The following RAI14 variants were observed in gnomAD, a reference collection of about 807,000 sequenced individuals.
The protein encoded by RAI14 is ankycorbin.
RAI14 carries 45 observed loss-of-function variants against 115.4 expected under a neutral mutation model. That is an observed-to-expected ratio of 0.39 (90% CI 0.31 to 0.50). The LOEUF is 0.50. RAI14 is among the 20% of genes least tolerant of loss of function. RAI14 has a pLI of 0.85. For synonymous variants in RAI14, 371 were observed against 415.4 expected (o/e 0.89, Z 1.30); for missense variants, 939 against 1,131.2 (o/e 0.83, Z 2.44).
chr5:34,822,246 G>GCATGTA (rs1242792262), intron 14 of RAI14, among the ~76,000 whole-genome samples: 1 of 75,728 alleles, frequency 1.3e-5, no homozygotes, highest in Non-Finnish European at 2.7e-5. Flanking sequence ...ATGTATGTGT[G>GCATGTA]TATGTATATA....
chr5:34,817,679 C>T (rs12153278), intron 12 of RAI14, among the ~76,000 whole-genome samples: 45,226 of 151,988 alleles, frequency 0.3, 7,606 homozygotes, highest in Admixed American at 0.43. Context: ...AACTGTAGTG[C>T]AAGTAACAAC....
intron 2 of RAI14, among the ~76,000 whole-genome samples, chr5:34,708,935 G>A (rs1173187300): frequency 1.3e-5 from 2 of 152,022 alleles, no homozygotes; most frequent in Non-Finnish European, 2.9e-5. Context: ...TTGAGGCCAG[G>A]AGTTTGAAAC....
intron 3 of RAI14, among the ~76,000 whole-genome samples, chr5:34,775,536 C>T (rs1750728024): frequency 6.6e-6 from 1 of 152,158 alleles, no homozygotes; most frequent in African/African-American, 2.4e-5. Context: ...AGTTCAAGAC[C>T]AGCCTGGGCA....
chr5:34,690,831 G>T (rs1203192838), intron 2 of RAI14, among the ~76,000 whole-genome samples: 12 of 152,106 alleles, frequency 7.9e-5, no homozygotes, highest in African/African-American at 2.9e-4. Context: ...TCTTAAACTT[G>T]AGTTGTTAGA....
chr5:34,700,214 C>T (rs1031932996), intron 2 of RAI14, among the ~76,000 whole-genome samples: 1 of 152,164 alleles, frequency 6.6e-6, no homozygotes, highest in African/African-American at 2.4e-5. Context: ...CAGTTTTCCC[C>T]TGGGTGGTGG....
chr5:34,830,684 C>T lies in RAI14; in HGVS notation c.2866-4C>T. The T allele has an allele frequency of 1.2e-6, 2 of 1,614,046 alleles. No individual in the cohort carries two copies. Among genetic ancestry groups the T allele is most frequent in the South Asian group, 1.1e-5 (1 of 91,058 alleles). ...AATGAGTATCTTGTGTTTGAATATC[C>T]TAGGGCCAGATGGATGAAGATGTCC... On this transcript the variant is annotated splice_polypyrimidine_tract_variant and splice_region_variant and intron_variant, in intron 17 of 17. Coordinates refer to ENST00000265109, the MANE Select transcript of RAI14 (RefSeq NM_015577.3).
chr5:34,690,666 T>C (rs1425449877), intron 2 of RAI14, among the ~76,000 whole-genome samples: 1 of 152,238 alleles, frequency 6.6e-6, no homozygotes, highest in Non-Finnish European at 1.5e-5. Flanking sequence ...AGCCTGACTC[T>C]GCGGGCTGTG....
chr5:34,802,759 G>A (rs960571465), intron 4 of RAI14, among the ~76,000 whole-genome samples: 4 of 152,288 alleles, frequency 2.6e-5, no homozygotes, highest in South Asian at 4.1e-4. Context: ...TGCTATGAAG[G>A]ATAAAGAAAT....
At chr5:34,829,469 C>A (rs1757804822) in intron 16 of RAI14, among the ~76,000 whole-genome samples, 1 of 152,086 alleles carries the variant, frequency 6.6e-6, no homozygotes, top group African/African-American at 2.4e-5. Context: ...ATTTTTAAAA[C>A]CAAATGTGGG....
chr5:34,714,904 G>A (rs1290134097), intron 2 of RAI14, among the ~76,000 whole-genome samples: 1 of 152,156 alleles, frequency 6.6e-6, no homozygotes, highest in Non-Finnish European at 1.5e-5. Context: ...CTCACTTGCA[G>A]TTCCTCGGTC....
chr5:34,782,224 G>T (rs1245616954), intron 3 of RAI14, among the ~76,000 whole-genome samples: 1 of 152,158 alleles, frequency 6.6e-6, no homozygotes, highest in Non-Finnish European at 1.5e-5. Context: ...GCTAGTTTTG[G>T]GGCCAGTTTA....
chr5:34,707,909 G>GA (rs986209309), intron 2 of RAI14, among the ~76,000 whole-genome samples: 3 of 152,138 alleles, frequency 2.0e-5, no homozygotes, highest in Admixed American at 6.6e-5. Flanking sequence ...TCTCCAAGGG[G>GA]AAAATCAAAG....
intron 3 of RAI14, among the ~76,000 whole-genome samples, chr5:34,776,805 T>TAAAAAAAACAACAA (rs754870641): frequency 1.1e-5 from 1 of 94,224 alleles, no homozygotes; most frequent in Non-Finnish European, 3.1e-5. Flanking sequence ...AGACCCTTTA[T>TAAAAAAAACAACAA]TAAAAAAACC....
At chr5:34,747,482 C>A (rs965261990) in intron 2 of RAI14, among the ~76,000 whole-genome samples, 3 of 152,202 alleles carry the variant, frequency 2.0e-5, no homozygotes, top group Admixed American at 1.3e-4. Context: ...ATATTCCTGT[C>A]AATCTTTCTA....
intron 2 of RAI14, among the ~76,000 whole-genome samples, chr5:34,708,297 C>T (rs1249374661): frequency 1.3e-5 from 2 of 151,712 alleles, no homozygotes; most frequent in East Asian, 3.9e-4. Context: ...CTGCCTCCCG[C>T]GTTCAAGCGA....
At chr5:34,659,802 TA>T (rs1742555292) in intron 1 of RAI14, among the ~76,000 whole-genome samples, 1 of 152,208 alleles carries the variant, frequency 6.6e-6, no homozygotes, top group Non-Finnish European at 1.5e-5. Flanking sequence ...ATCTGTTGAC[TA>T]AAAAAGTGAA....
chr5:34,763,334 C>T (rs1353278527), intron 3 of RAI14, among the ~76,000 whole-genome samples: 3 of 152,184 alleles, frequency 2.0e-5, no homozygotes, highest in African/African-American at 7.2e-5. Context: ...TTGCAGCCTC[C>T]TACCTTCCCT....
intron 2 of RAI14, among the ~76,000 whole-genome samples, chr5:34,725,832 C>T (rs890920589): frequency 1.3e-5 from 2 of 151,408 alleles, no homozygotes; most frequent in Admixed American, 1.3e-4. Flanking sequence ...GCAGTGGTGG[C>T]GTATGCGTGT....
rs1374086511 is a variant in RAI14 at position 34,714,023 on chromosome 5, C to T, written c.36+27068C>T. ...TTCACCATATTGGCCAGGCTGGTCT[C>T]GAACTCCTGACCTCATGATCTGCCC... On this transcript the variant is annotated intron_variant, in intron 2 of 17. Transcript: ENST00000265109. Among the ~76,000 whole-genome samples the T allele has an allele frequency of 6.6e-5, 10 of 151,434 alleles. No individual in the cohort carries two copies. In the East Asian group the frequency reaches 1.4e-3, roughly 21 times the overall value.
Sources: allele counts gnomAD v4.1 joint callset (sites outside exome capture counted in the v4.1 genomes callset), GRCh38; gene constraint gnomAD v4.1.1; transcripts MANE v1.5; gene names NCBI Gene and HGNC (gene_info 2026-07-23, HGNC 2026-07-21).